Variants in SUMF1 observed in about 807,000 individuals in gnomAD.
SUMF1 encodes sulfatase modifying factor 1, also known as formylglycine-generating enzyme.
In SUMF1, 48 loss-of-function variants were observed where a neutral mutation model predicts 47.6. The observed-to-expected ratio is 1.01, with a 90% CI of 0.80 to 1.28. The LOEUF is 1.28. Among genes scored for constraint, SUMF1 ranks in the 50% most tolerant of loss-of-function variants. SUMF1 has a pLI of 0.00. For synonymous variants in SUMF1, 230 were observed against 192.1 expected, an observed-to-expected ratio of 1.20 and a Z score of -1.63; for missense variants, 571 against 485.4, an observed-to-expected ratio of 1.18 and a Z score of -1.66.
intron 7 of SUMF1, among the ~76,000 whole-genome samples, chr3:4,383,945 A>T (rs1318867687): frequency 2.1e-5 from 3 of 143,508 alleles, no homozygotes; most frequent in African/African-American, 2.4e-5. Flanking sequence ...CAAAATGCAT[A>T]GTATTACTGT....
intron 8 of SUMF1, among the ~76,000 whole-genome samples, chr3:4,186,054 T>C (rs928220754): frequency 1.3e-4 from 20 of 152,194 alleles, no homozygotes; most frequent in Admixed American, 7.9e-4. Context: ...TGACCAATTG[T>C]GTTTCTATTC....
At chr3:4,463,484 C>T (rs748366024) in intron 1 of SUMF1, among the ~76,000 whole-genome samples, 11 of 152,022 alleles carry the variant, frequency 7.2e-5, no homozygotes, top group African/African-American at 2.4e-4. Context: ...AGCGAGACTC[C>T]GTCTCAAAAA....
intron 9 of SUMF1, among the ~76,000 whole-genome samples, chr3:4,049,514 G>C (rs1695065597): frequency 1.3e-5 from 2 of 152,130 alleles, no homozygotes; most frequent in African/African-American, 4.8e-5. Context: ...ACGTGAGACA[G>C]GGATGTGACT....
intron 8 of SUMF1, among the ~76,000 whole-genome samples, chr3:4,081,537 A>C (rs570349598): frequency 9.2e-5 from 14 of 152,300 alleles, no homozygotes; most frequent in African/African-American, 3.4e-4. Context: ...TTAAGGAGAC[A>C]GTCCAGTAGA....
intron 9 of SUMF1, among the ~76,000 whole-genome samples, chr3:4,059,829 G>A (rs890832100): frequency 6.6e-6 from 1 of 151,424 alleles, no homozygotes; most frequent in Non-Finnish European, 1.5e-5. Context: ...GCTGAGATCT[G>A]AAAAGTAAAT....
chr3:4,055,269 G>C (rs1000135297), intron 9 of SUMF1, among the ~76,000 whole-genome samples: 4 of 152,020 alleles, frequency 2.6e-5, no homozygotes, highest in African/African-American at 9.7e-5. Flanking sequence ...ACAGACAAAA[G>C]TACAAAATAA....
chr3:4,274,029 C>T (rs1311597835), intron 8 of SUMF1, among the ~76,000 whole-genome samples: 4 of 151,938 alleles, frequency 2.6e-5, no homozygotes, highest in Non-Finnish European at 5.9e-5. Context: ...TTGGGGAAAA[C>T]TCAATATAAA....
intron 8 of SUMF1, among the ~76,000 whole-genome samples, chr3:4,250,711 C>T (rs958080608): frequency 3.9e-5 from 6 of 151,962 alleles, no homozygotes; most frequent in Admixed American, 3.3e-4. Flanking sequence ...ATCTTAGGGC[C>T]CTTAAGAATT....
intron 8 of SUMF1, among the ~76,000 whole-genome samples, chr3:4,212,877 G>A (rs915718211): frequency 1.3e-5 from 2 of 151,972 alleles, no homozygotes; most frequent in Non-Finnish European, 2.9e-5. Flanking sequence ...TTATAAAAAC[G>A]AACAAACAAA....
intron 8 of SUMF1, among the ~76,000 whole-genome samples, chr3:4,216,022 C>T (rs1695915701): frequency 6.6e-6 from 1 of 152,132 alleles, no homozygotes; most frequent in Non-Finnish European, 1.5e-5. Flanking sequence ...ACTTTCTTCA[C>T]AGAATTGGAA....
chr3:4,395,801 G>A (rs1402305043), intron 7 of SUMF1, among the ~76,000 whole-genome samples: 2 of 152,144 alleles, frequency 1.3e-5, no homozygotes, highest in Non-Finnish European at 2.9e-5. Context: ...CAAAGTCTAT[G>A]GTAACCGTTC....
downstream of SUMF1, among the ~76,000 whole-genome samples, chr3:4,360,638 G>A (rs760371933): frequency 8.5e-5 from 13 of 152,158 alleles, no homozygotes; most frequent in Admixed American, 3.3e-4. Flanking sequence ...TGGCCTACAT[G>A]ACTGCTTTTC....
intron 3 of SUMF1, among the ~76,000 whole-genome samples, chr3:4,447,065 G>T (rs1051072447): frequency 3.3e-5 from 5 of 152,064 alleles, no homozygotes; most frequent in African/African-American, 1.2e-4. Flanking sequence ...TGCTGGGGTA[G>T]GCAGAAAAAT....
chr3:4,151,362 T>A (rs908908878), intron 8 of SUMF1, among the ~76,000 whole-genome samples: 1 of 147,004 alleles, frequency 6.8e-6, no homozygotes, highest in East Asian at 2.0e-4. Context: ...ATACACAATA[T>A]ATATATATAC....
chr3:4,077,339 A>T, intron 8 of SUMF1, among the ~76,000 whole-genome samples: 1 of 152,140 alleles, frequency 6.6e-6, no homozygotes, highest in East Asian at 1.9e-4. Context: ...TCATGCTACT[A>T]TAAAGACACA....
At chr3:4,445,396 G>A (rs1702745681) in intron 3 of SUMF1, among the ~76,000 whole-genome samples, 1 of 152,156 alleles carries the variant, frequency 6.6e-6, no homozygotes, top group Admixed American at 6.5e-5. Flanking sequence ...GGAGTACAAT[G>A]GTGCCATCAC....
rs146295828 is a variant in SUMF1 at position 4,215,693 on chromosome 3, A to G, written c.1015-146948T>C. ...CTTAAGCTGATAAGCAACTTCAGAA[A>G]AGTCTCAGGATACAAAATCAATGTG... On this transcript the variant is annotated intron_variant and NMD_transcript_variant, in intron 8 of 12. Transcript: ENST00000448413. Among the ~76,000 whole-genome samples the G allele has an allele frequency of 7.4e-3, 1,121 of 152,320 alleles. 11 individuals carry two copies. Among genetic ancestry groups the G allele is most frequent in the African/African-American group, 0.025 (1,054 of 41,568 alleles).
At chr3:4,046,655 A>G (rs544509237) in intron 9 of SUMF1, among the ~76,000 whole-genome samples, 2 of 152,206 alleles carry the variant, frequency 1.3e-5, no homozygotes, top group South Asian at 4.2e-4. Flanking sequence ...CTCCAAATAT[A>G]GCTCCAGTTT....
chr3:4,115,179 C>T (rs1435018729), intron 8 of SUMF1, among the ~76,000 whole-genome samples: 1 of 152,054 alleles, frequency 6.6e-6, no homozygotes, highest in Non-Finnish European at 1.5e-5. Flanking sequence ...TGGACTCTGG[C>T]AGGCCATCAA....
Sources: allele counts gnomAD v4.1 joint callset (sites outside exome capture counted in the v4.1 genomes callset), GRCh38; gene constraint gnomAD v4.1.1; transcripts MANE v1.5; gene names NCBI Gene and HGNC (gene_info 2026-07-23, HGNC 2026-07-21).